CANX: variants seen among roughly 807,000 people sequenced by gnomAD.
CANX encodes the protein calnexin.
Under a neutral mutation model 75.7 loss-of-function variants are expected in CANX, and 14 were observed. That is an observed-to-expected ratio of 0.19 (90% confidence interval 0.12 to 0.29). CANX has a LOEUF of 0.29. Ranked by LOEUF, CANX falls within the 10% of genes least tolerant of loss-of-function variation. CANX has a pLI of 1.00. For missense variants in CANX, 567 were observed against 713.2 expected, an observed-to-expected ratio of 0.79 and a Z score of 2.34; for synonymous variants, 227 against 236.9, an observed-to-expected ratio of 0.96 and a Z score of 0.38.
In CANX at chr5:179,691,923, A is replaced by G. The variant is rs57784653; in HGVS notation, c.-4+13146A>G. 4.2e-4 allele frequency among the ~76,000 whole-genome samples: 63 copies of G among 151,130 alleles called. No individual in the cohort carries two copies. In the East Asian group the frequency reaches 8.9e-3, roughly 21 times the overall value. On this transcript the variant is annotated intron_variant, in intron 1 of 14. Transcript: ENST00000681674. Reference sequence around the variant, plus strand: ...CTCCCGAGTAGCTGGGACTACAGGCACCCGCCACCACGCCCGGCTAATTTT... The same window carrying G: ...CTCCCGAGTAGCTGGGACTACAGGCGCCCGCCACCACGCCCGGCTAATTTT...
chr5:179,689,394 T>TTTTTTG (rs1776258608), intron 1 of CANX, among the ~76,000 whole-genome samples: 1 of 145,214 alleles, frequency 6.9e-6, no homozygotes, highest in Non-Finnish European at 1.5e-5. Flanking sequence ...TTTTTTTTTT[T>TTTTTTG]TTTTTTTTTT....
At chr5:179,680,448 G>A (rs1195704002) in intron 1 of CANX, among the ~76,000 whole-genome samples, 3 of 152,132 alleles carry the variant, frequency 2.0e-5, no homozygotes, top group Non-Finnish European at 2.9e-5. Flanking sequence ...GCCTCTGCCT[G>A]CCCTCAAGGT....
intron 10 of CANX, among the ~76,000 whole-genome samples, chr5:179,722,066 C>T (rs753897942): frequency 2.0e-5 from 3 of 152,134 alleles, no homozygotes; most frequent in Non-Finnish European, 2.9e-5. Flanking sequence ...CGTAGTGGCT[C>T]ACGCCTATAA....
chr5:179,723,703 C>T lies in CANX; in HGVS notation c.1442C>T (p.Pro481Leu), dbSNP rs772471618. 9 of 1,613,608 alleles carry T rather than the reference C, an allele frequency of 5.6e-6. No individual in the cohort carries two copies. The highest frequency in any genetic ancestry group is 1.3e-5 in the African/African-American group (1 of 74,864). ...GQMIEAAEERPWLWVVYILTV... is the reference protein window; with the variant it reads ...GQMIEAAEERLWLWVVYILTV... ...ATGATCGAGGCAGCTGAAGAGCGCC[C>T]GTGGCTGTGGGTAGTCTATATTCTA... The change falls in exon 12 of 15, where the codon CCG becomes CTG. Residue 481 changes from proline (P) to leucine (L), a missense_variant. By Grantham distance (98) the Pro-to-Leu change is moderately conservative. Transcript: ENST00000247461.
chr5:179,680,142 C>G (rs1393483958), intron 1 of CANX, among the ~76,000 whole-genome samples: 2 of 151,900 alleles, frequency 1.3e-5, no homozygotes, highest in African/African-American at 4.8e-5. Flanking sequence ...GATGTGAACA[C>G]GAGCTTGGAT....
intron 1 of CANX, among the ~76,000 whole-genome samples, chr5:179,683,076 G>C (rs927005766): frequency 6.6e-6 from 1 of 152,220 alleles, no homozygotes; most frequent in African/African-American, 2.4e-5. Flanking sequence ...CACCTCCTAG[G>C]AAACTTCTGT....
chr5:179,694,004 C>T (rs1484083593), upstream of CANX, among the ~76,000 whole-genome samples: 3 of 151,204 alleles, frequency 2.0e-5, no homozygotes, highest in Admixed American at 6.6e-5. Context: ...ATGGGCCGGG[C>T]GTGGTGGCTT....
chr5:179,705,663 T>G lies in CANX; in HGVS notation c.-3-16T>G, dbSNP rs1562469607. On this transcript the variant is annotated splice_polypyrimidine_tract_variant and intron_variant, in intron 1 of 14. Transcript: ENST00000247461. ...AGGTGGCAATACATTTAACTGATTTTGCTCTTTATGTGTAGATCATGGAAG... is the reference window on the plus strand; with the variant it reads ...AGGTGGCAATACATTTAACTGATTTGGCTCTTTATGTGTAGATCATGGAAG... 2 of 1,599,780 alleles carry G rather than the reference T, an allele frequency of 1.3e-6. No individual in the cohort carries two copies. The highest frequency in any genetic ancestry group is 2.2e-5 in the East Asian group (1 of 44,732).
chr5:179,698,392 G>A, upstream of CANX: 1 of 1,219,286 alleles, frequency 8.2e-7, no homozygotes, highest in Non-Finnish European at 1.1e-6. Flanking sequence ...CAGGAACTGC[G>A]GCGCCGGCTC....
intron 3 of CANX, 117 bp from the exon 4 acceptor site, chr5:179,707,015 T>A (rs1481416426): frequency 8.9e-6 from 6 of 676,650 alleles, no homozygotes; most frequent in Admixed American, 4.4e-5. Context: ...AGGTTGGAAG[T>A]AGAGTGGTTA....
upstream of CANX, chr5:179,694,742 G>C (rs1776360200): frequency 3.0e-6 from 2 of 664,526 alleles, no homozygotes; most frequent in South Asian, 3.1e-5. Context: ...ATGAAGACGA[G>C]GAGGAGATGA....
chr5:179,682,860 C>G (rs770726251), intron 1 of CANX, among the ~76,000 whole-genome samples: 1 of 152,194 alleles, frequency 6.6e-6, no homozygotes, highest in South Asian at 2.1e-4. Flanking sequence ...TTGCTAAAAC[C>G]TGAACAATAA....
In CANX at chr5:179,724,623, T is replaced by C. The variant is rs144844191; in HGVS notation, c.1519-34T>C. 1,774 of 1,598,670 alleles carry C rather than the reference T, an allele frequency of 1.1e-3. 16 individuals carry two copies. The African/African-American group carries it at 0.021, about 19-fold the overall frequency. ...AATTATATAACATAATACATGAACATGTAAACAAAATTGTACTTTGGGGAA... is the reference window on the plus strand; with the variant it reads ...AATTATATAACATAATACATGAACACGTAAACAAAATTGTACTTTGGGGAA... On this transcript the variant is annotated intron_variant, in intron 12 of 14. Transcript: ENST00000247461.
At chr5:179,687,260 G>A (rs576794077) in intron 1 of CANX, among the ~76,000 whole-genome samples, 4 of 152,056 alleles carry the variant, frequency 2.6e-5, no homozygotes, top group East Asian at 1.9e-4. Context: ...GCGCCAACAC[G>A]CCCGGCTAAT....
upstream of CANX, among the ~76,000 whole-genome samples, chr5:179,693,640 C>T (rs1301826322): frequency 6.6e-6 from 1 of 151,874 alleles, no homozygotes; most frequent in Non-Finnish European, 1.5e-5. Flanking sequence ...ACACTGTACT[C>T]TAGCCTGGGC....
chr5:179,699,957 TATA>T (rs766248791), intron 1 of CANX, among the ~76,000 whole-genome samples: 37 of 152,316 alleles, frequency 2.4e-4, no homozygotes, highest in South Asian at 1.2e-3. Context: ...AAGTAATGGA[TATA>T]ATAATACCCG....
intron 1 of CANX, among the ~76,000 whole-genome samples, chr5:179,684,592 G>A (rs1164462428): frequency 6.6e-6 from 1 of 151,080 alleles, no homozygotes; most frequent in Non-Finnish European, 1.5e-5. Flanking sequence ...CACCCACCTC[G>A]GCCTCCCAAA....
At chr5:179,684,407 T>TC (rs1562432494) in intron 1 of CANX, among the ~76,000 whole-genome samples, 2 of 150,318 alleles carry the variant, frequency 1.3e-5, no homozygotes, top group Admixed American at 1.3e-4. Context: ...TTTTTTTTTT[T>TC]CAGCTCACTG....
chr5:179,694,261 C>T (rs185564727), upstream of CANX: 55 of 451,620 alleles, frequency 1.2e-4, no homozygotes, highest in African/African-American at 8.1e-4. Flanking sequence ...TTTGTGCAGA[C>T]ATGCAGAGAA....
Sources: allele counts gnomAD v4.1 joint callset (sites outside exome capture counted in the v4.1 genomes callset), GRCh38; gene constraint gnomAD v4.1.1; transcripts MANE v1.5; gene names NCBI Gene and HGNC (gene_info 2026-07-23, HGNC 2026-07-21).